The following EPRS1 variants were observed in gnomAD, a reference collection of about 807,000 sequenced individuals.
EPRS1 encodes the protein glutamyl-prolyl-tRNA synthetase 1.
EPRS1 carries 107 observed loss-of-function variants against 188.3 expected under a neutral mutation model. That is an observed-to-expected ratio of 0.57 (90% confidence interval 0.49 to 0.67). The LOEUF (loss-of-function observed/expected upper bound fraction) is 0.67, where lower values mean the gene tolerates loss of function less well. Among genes scored for constraint, EPRS1 ranks in the 30% least tolerant of loss-of-function variants. EPRS1 has a pLI of 0.00. For missense variants in EPRS1, 1,577 were observed against 1,802.2 expected, an observed-to-expected ratio of 0.88 and a Z score of 2.26; for synonymous variants, 596 against 593.1, an observed-to-expected ratio of 1.00 and a Z score of -0.07.
chr1:220,044,145 A>T (rs1051667373), intron 1 of EPRS1, among the ~76,000 whole-genome samples: 2 of 152,224 alleles, frequency 1.3e-5, no homozygotes, highest in Non-Finnish European at 2.9e-5. Flanking sequence ...CATTAAATAT[A>T]TAACATGATG....
intron 19 of EPRS1, 129 bp downstream of exon 19, chr1:219,988,461 G>C (rs1661054037): frequency 1.6e-6 from 1 of 636,202 alleles, no homozygotes; most frequent in East Asian, 2.7e-5. Flanking sequence ...TAAAAGGCAA[G>C]GTAAGAGAAT....
At chr1:220,013,850 G>C (rs115923708) in intron 12 of EPRS1, among the ~76,000 whole-genome samples, 1,779 of 152,264 alleles carry the variant, frequency 0.012, 39 homozygotes, top group African/African-American at 0.039. Flanking sequence ...TTTACTACCA[G>C]TTGACTAAAA....
Position 219,968,809 on chromosome 1 carries a change from G to A in EPRS1, c.4536C>T (p.Tyr1512=), listed in dbSNP as rs775338533. The change falls in exon 32 of 32, where the codon TAC becomes TAT. Residue 1512 remains tyrosine, a synonymous_variant. Coordinates refer to ENST00000366923, the MANE Select transcript of EPRS1 (RefSeq NM_004446.3). The stretch of plus-strand genomic sequence containing the variant: ...AGAGGGGGCTTTCGTTCATCCCTCA[G>A]TAGCTGCGACCAAATAAGGTGTAGT... ...AKYYTLFGRS[Y] 1 of 1,614,118 alleles carries A rather than the reference G, an allele frequency of 6.2e-7. No individual in the cohort carries two copies. Among genetic ancestry groups the A allele is most frequent in the South Asian group, 1.1e-5 (1 of 91,088 alleles).
chr1:220,019,481 C>T (rs6697041), intron 10 of EPRS1, among the ~76,000 whole-genome samples: 8,593 of 152,232 alleles, frequency 0.056, 744 homozygotes, highest in African/African-American at 0.19. Flanking sequence ...CTTTATAAAG[C>T]CCTTTGGAAT....
Position 220,006,282 on chromosome 1 carries a change from C to T in EPRS1, c.1774G>A (p.Ala592Thr), listed in dbSNP as rs376865441. Residue 592 changes from alanine to threonine, a missense_variant, in exon 15 of 32, where the codon GCA (alanine) becomes ACA (threonine). Around this residue, in one of 3 missense-constraint regions of EPRS1, gnomAD observed 1,278 missense variants for 1,457.4 expected, o/e 0.88. Transcript: ENST00000366923. The stretch of plus-strand genomic sequence containing the variant: ...TCTTTGTTTTCCAAATTCAACTTTG[C>T]ATCAAGAGATATGATTTTTCCATCT... ...NADGKIISLDAKLNLENKDYK... is the reference protein window; with the variant it reads ...NADGKIISLDTKLNLENKDYK... 7 of 1,577,080 alleles carry T rather than the reference C, an allele frequency of 4.4e-6. No individual in the cohort carries two copies. The highest frequency in any genetic ancestry group is 6.0e-6 in the Non-Finnish European group (7 of 1,159,410).
Position 219,997,154 on chromosome 1 carries a change from T to G in EPRS1, c.2370A>C (p.Glu790Asp). The change falls in exon 18 of 32, where the codon GAA becomes GAC. Residue 790 changes from glutamate to aspartate, a missense_variant. Transcript: ENST00000366923. Reference protein sequence around the residue: ...AVKQLLSLKAEYKEKTGQEYK... With the variant: ...AVKQLLSLKADYKEKTGQEYK... ...ATTCCTGGCCAGTTTTCTCCTTATA[T>G]TCAGCTTTCAAAGACAAAAGCTGTT... The G allele has an allele frequency of 1.2e-6, 2 of 1,614,114 alleles. No homozygotes were observed. Among genetic ancestry groups the G allele is most frequent in the Non-Finnish European group, 1.7e-6 (2 of 1,179,988 alleles).
chr1:220,032,486 A>G lies in EPRS1; in HGVS notation c.429T>C (p.Ala143=), dbSNP rs1662106243. 6.2e-7 allele frequency: 1 copy of G among 1,613,652 alleles called. No individual in the cohort carries two copies. Among genetic ancestry groups the G allele is most frequent in the Admixed American group, 1.7e-5 (1 of 59,950 alleles). The change falls in exon 5 of 32, where the codon GCT becomes GCC. Residue 143 remains alanine, a synonymous_variant. Coordinates refer to ENST00000366923, the MANE Select transcript of EPRS1 (RefSeq NM_004446.3). Reference sequence around the variant, plus strand: ...CAAACCAACGTTTTACATGAACTGGAGCTTTCTTCTGTTTCAACTGTTCTT... The same window carrying G: ...CAAACCAACGTTTTACATGAACTGGGGCTTTCTTCTGTTTCAACTGTTCTT... ...AWQEQLKQKK[A]PVHVKRWFGF...
intron 8 of EPRS1, among the ~76,000 whole-genome samples, chr1:220,022,987 C>G (rs1259905144): frequency 1.3e-5 from 2 of 152,230 alleles, no homozygotes; most frequent in African/African-American, 4.8e-5. Context: ...GGCATTGGCA[C>G]TACAGACCGT....
At chr1:220,044,848 T>C (rs1440464609) in intron 1 of EPRS1, among the ~76,000 whole-genome samples, 2 of 152,120 alleles carry the variant, frequency 1.3e-5, no homozygotes, top group Non-Finnish European at 2.9e-5. Flanking sequence ...GTTTCACAAC[T>C]AGTAAGTGGC....
Position 220,010,804 on chromosome 1 carries a change from G to C in EPRS1, c.1605+142C>G. On this transcript the variant is annotated intron_variant, in intron 13 of 31. Coordinates refer to ENST00000366923, the MANE Select transcript of EPRS1 (RefSeq NM_004446.3). ...CAGCCTGGAGACATAGCAAGACTAC[G>C]TCTCAAAAAAAAAAAAAAAAAGAAA... 6.3e-6 allele frequency: 3 copies of C among 477,086 alleles called. No homozygotes were observed. The South Asian group carries it at 6.4e-5, about 10-fold the overall frequency. 29.6% of individuals were successfully genotyped at this position (477,086 alleles called of 1,614,324 possible).
At chr1:219,988,917 T>A in intron 18 of EPRS1, 94 bp from the exon 19 acceptor site, 1 of 706,506 alleles carries the variant, frequency 1.4e-6, no homozygotes, top group East Asian at 2.7e-5. Context: ...CAGCAAATCA[T>A]TCCCATAAGT....
At chr1:220,016,218 C>A (rs910352768) in intron 12 of EPRS1, among the ~76,000 whole-genome samples, 5 of 151,802 alleles carry the variant, frequency 3.3e-5, no homozygotes, top group Non-Finnish European at 5.9e-5. Flanking sequence ...GTGGTGGGTG[C>A]CTGTAATCCC....
chr1:220,011,743 T>C (rs899264638), intron 12 of EPRS1, among the ~76,000 whole-genome samples: 2 of 152,230 alleles, frequency 1.3e-5, no homozygotes, highest in African/African-American at 2.4e-5. Flanking sequence ...TAACCTATTC[T>C]ACTTCCAAAT....
In EPRS1 at chr1:220,022,483, T is replaced by C. The variant is rs1661896574; in HGVS notation, c.979A>G (p.Lys327Glu). The C allele has an allele frequency of 1.2e-6, 2 of 1,613,844 alleles. No homozygotes were observed. The highest frequency in any genetic ancestry group is 2.7e-5 in the African/African-American group (2 of 75,042). ...EKNLQMWEEM[K>E]KGSQFGQSCC... Reference sequence around the variant, plus strand: ...GACTGACCAAACTGGCTCCCTTTTTTCATTTCTTCCCACATTTGTAGATTC... The same window carrying C: ...GACTGACCAAACTGGCTCCCTTTTTCCATTTCTTCCCACATTTGTAGATTC... Residue 327 changes from lysine (K) to glutamate (E), a missense_variant, in exon 9 of 32, where the codon AAA becomes GAA. This residue lies in a region of EPRS1 where 1,278 missense variants were observed against 1,457.4 expected (regional missense o/e 0.88). Coordinates refer to ENST00000366923, the MANE Select transcript of EPRS1 (RefSeq NM_004446.3).
chr1:219,976,995 T>C (rs1660793575), intron 28 of EPRS1, among the ~76,000 whole-genome samples: 1 of 152,150 alleles, frequency 6.6e-6, no homozygotes, highest in African/African-American at 2.4e-5. Flanking sequence ...CAAAGAAGAA[T>C]TACAGGAGTT....
intron 6 of EPRS1, among the ~76,000 whole-genome samples, chr1:220,028,469 A>ACACACACACGCG (rs1196072290): frequency 2.0e-3 from 8 of 3,904 alleles, no homozygotes; most frequent in African/African-American, 9.6e-3. Context: ...ACACACGCGC[A>ACACACACACGCG]CACACACACA....
intron 13 of EPRS1, among the ~76,000 whole-genome samples, chr1:220,007,773 C>T (rs1048904749): frequency 5.9e-5 from 9 of 152,176 alleles, no homozygotes; most frequent in African/African-American, 2.2e-4. Context: ...TCCTTAGAAT[C>T]CCACTGCTTC....
In EPRS1 at chr1:219,983,972, T is replaced by C. The variant is rs563788860; in HGVS notation, c.3090+234A>G. ...TCTTTGTGGCTTTGAATTAATCCCT[T>C]TATCTCACCTAAAAAAAAAAAATCA... On this transcript the variant is annotated intron_variant, in intron 21 of 31. Coordinates refer to ENST00000366923, the MANE Select transcript of EPRS1 (RefSeq NM_004446.3). Among the ~76,000 whole-genome samples, 8 of 152,200 alleles carry C rather than the reference T, an allele frequency of 5.3e-5. No homozygotes were observed. In the East Asian group the frequency reaches 1.2e-3, roughly 22 times the overall value.
At chr1:219,969,935 C>T (rs547032972) in intron 30 of EPRS1, among the ~76,000 whole-genome samples, 1 of 152,096 alleles carries the variant, frequency 6.6e-6, no homozygotes, top group East Asian at 1.9e-4. Context: ...ATTCTCGTGC[C>T]CCAGCCTCCT....
Sources: gnomAD v4.1 joint callset for allele counts (sites outside exome capture counted in the v4.1 genomes callset) on GRCh38, gnomAD v4.1.1 for gene constraint, gnomAD v4.1.1 regional missense constraint, MANE v1.5 for transcripts, NCBI Gene and HGNC (gene_info 2026-07-23, HGNC 2026-07-21) for gene names.